The following SAMD12 variants were observed in gnomAD, a reference collection of about 807,000 sequenced individuals.
The protein encoded by SAMD12 is sterile alpha motif domain-containing protein 12.
In SAMD12, 9 loss-of-function variants were observed where a neutral mutation model predicts 15.0. The observed-to-expected ratio is 0.60, with a 90% CI of 0.36 to 1.05. The LOEUF is 1.05. Among genes scored for constraint, SAMD12 ranks in the 50% least tolerant of loss-of-function variants. SAMD12 has a pLI of 0.01. For synonymous variants in SAMD12, 86 were observed against 90.1 expected, an observed-to-expected ratio of 0.96 and a Z score of 0.25; for missense variants, 230 against 234.2, an observed-to-expected ratio of 0.98 and a Z score of 0.12.
At chr8:118,322,597 C>T (rs559163802) in intron 4 of SAMD12, among the ~76,000 whole-genome samples, 1 of 152,324 alleles carries the variant, frequency 6.6e-6, no homozygotes, top group African/African-American at 2.4e-5. Context: ...TTCTCTCTGT[C>T]GTAGGCTGAA....
chr8:118,582,252 A>G (rs1243148549), intron 1 of SAMD12, among the ~76,000 whole-genome samples: 6 of 152,192 alleles, frequency 3.9e-5, no homozygotes. Flanking sequence ...CACCTTTCTT[A>G]TGAATGTCAG....
intron 2 of SAMD12, among the ~76,000 whole-genome samples, chr8:118,497,663 A>G (rs2515026): frequency 1.4e-5 from 2 of 145,400 alleles, no homozygotes; most frequent in Non-Finnish European, 1.5e-5. Context: ...CAGCGACACA[A>G]AATTTACCAA....
intron 4 of SAMD12, among the ~76,000 whole-genome samples, chr8:118,349,381 G>A (rs981385544): frequency 1.3e-5 from 2 of 151,992 alleles, no homozygotes; most frequent in Non-Finnish European, 2.9e-5. Context: ...AGTATGGAGG[G>A]GTAACCCCTC....
intron 2 of SAMD12, among the ~76,000 whole-genome samples, chr8:118,542,162 G>A (rs4327885): frequency 0.42 from 64,214 of 151,952 alleles, 13,901 homozygotes; most frequent in Non-Finnish European, 0.48. Context: ...GGCCACCCTG[G>A]CTGCATAGAC....
At chr8:118,306,431 C>G (rs1005572325) in intron 4 of SAMD12, among the ~76,000 whole-genome samples, 3 of 152,188 alleles carry the variant, frequency 2.0e-5, no homozygotes, top group African/African-American at 7.2e-5. Context: ...ATGGATGACT[C>G]TAAACCTTCT....
chr8:118,200,085 T>A (rs1819670142), intron 4 of SAMD12, among the ~76,000 whole-genome samples: 1 of 152,146 alleles, frequency 6.6e-6, no homozygotes, highest in African/African-American at 2.4e-5. Flanking sequence ...TTTCCTTGGC[T>A]CCCATTCTCT....
intron 4 of SAMD12, among the ~76,000 whole-genome samples, chr8:118,334,324 G>C (rs943378073): frequency 2.6e-5 from 4 of 152,024 alleles, no homozygotes; most frequent in Admixed American, 2.6e-4. Context: ...TATCTCTTTG[G>C]TGCATGAAAC....
At chr8:118,404,508 T>C (rs976637623) in intron 3 of SAMD12, among the ~76,000 whole-genome samples, 1 of 152,344 alleles carries the variant, frequency 6.6e-6, no homozygotes, top group Non-Finnish European at 1.5e-5. Context: ...TCAAAGCACC[T>C]TGATTGTTTG....
At chr8:118,246,660 C>T (rs964173419) in intron 4 of SAMD12, among the ~76,000 whole-genome samples, 11 of 151,978 alleles carry the variant, frequency 7.2e-5, no homozygotes, top group Non-Finnish European at 1.5e-4. Context: ...AAAAATAGAT[C>T]ATTCTAATAT....
chr8:118,226,915 C>T (rs555169012), intron 4 of SAMD12, among the ~76,000 whole-genome samples: 2 of 152,170 alleles, frequency 1.3e-5, no homozygotes, highest in African/African-American at 4.8e-5. Flanking sequence ...GTAGAACATT[C>T]CATAAACCTT....
intron 4 of SAMD12, among the ~76,000 whole-genome samples, chr8:118,306,929 A>T (rs1815379186): frequency 6.6e-6 from 1 of 152,170 alleles, no homozygotes; most frequent in South Asian, 2.1e-4. Context: ...TATTCCTTTT[A>T]AGAGCTTCTG....
chr8:118,325,369 G>C (rs957594447), intron 4 of SAMD12, among the ~76,000 whole-genome samples: 1 of 152,174 alleles, frequency 6.6e-6, no homozygotes, highest in Non-Finnish European at 1.5e-5. Flanking sequence ...AGGAAGAAAC[G>C]AGGGGAGAGA....
intron 2 of SAMD12, among the ~76,000 whole-genome samples, chr8:118,534,590 T>C (rs1825786414): frequency 6.6e-6 from 1 of 152,234 alleles, no homozygotes; most frequent in Admixed American, 6.5e-5. Context: ...CAATCAGACG[T>C]AGATCTTGTC....
At chr8:118,329,545 T>C (rs1157153564) in intron 4 of SAMD12, among the ~76,000 whole-genome samples, 1 of 152,138 alleles carries the variant, frequency 6.6e-6, no homozygotes, top group Non-Finnish European at 1.5e-5. Context: ...ATCCCCGCCC[T>C]TCACTCTCCA....
intron 2 of SAMD12, among the ~76,000 whole-genome samples, chr8:118,547,697 T>C (rs1316437496): frequency 6.6e-6 from 1 of 152,212 alleles, no homozygotes; most frequent in Non-Finnish European, 1.5e-5. Context: ...TATTATAGTA[T>C]ACATCCCAAA....
chr8:118,381,558 G>A lies in SAMD12; in HGVS notation c.323-1858C>T, dbSNP rs185109757. ...AGGTGAGTCCAATCTAATCACAAGC[G>A]TCCTTAGAAGTGAAAGAGGAAGAAG... On this transcript the variant is annotated intron_variant, in intron 3 of 3. Transcript: ENST00000314727. 4.0e-4 allele frequency among the ~76,000 whole-genome samples: 61 copies of A among 152,216 alleles called. 1 individual carries two copies. Among genetic ancestry groups the A allele is most frequent in the African/African-American group, 1.3e-3 (55 of 41,510 alleles).
At chr8:118,302,972 C>A (rs114108157) in intron 4 of SAMD12, among the ~76,000 whole-genome samples, 2,389 of 152,188 alleles carry the variant, frequency 0.016, 32 homozygotes, top group South Asian at 0.04. Context: ...ATTATAAAGC[C>A]GTATGTGATA....
At chr8:118,594,850 T>G (rs1304668363) in intron 1 of SAMD12, among the ~76,000 whole-genome samples, 1 of 152,220 alleles carries the variant, frequency 6.6e-6, no homozygotes, top group African/African-American at 2.4e-5. Flanking sequence ...GCATCCTTCG[T>G]GATGCAATTT....
intron 3 of SAMD12, chr8:118,394,722 A>G (rs527591892): frequency 1.8e-4 from 28 of 152,324 alleles, no homozygotes; most frequent in African/African-American, 6.0e-4. Context: ...GATGGTGCCA[A>G]TGACTGTGGA....
Sources: gnomAD v4.1 joint callset for allele counts (sites outside exome capture counted in the v4.1 genomes callset) on GRCh38, gnomAD v4.1.1 for gene constraint, MANE v1.5 for transcripts, NCBI Gene and HGNC (gene_info 2026-07-23, HGNC 2026-07-21) for gene names.